CDH13: variants seen among roughly 807,000 people sequenced by gnomAD.
CDH13 encodes the protein cadherin 13, also known as cadherin-13.
Under a neutral mutation model 63.8 loss-of-function variants are expected in CDH13, and 24 were observed. The ratio of observed to expected loss-of-function variants is 0.38; its 90% CI spans 0.27 to 0.53. The LOEUF (loss-of-function observed/expected upper bound fraction) is 0.53. CDH13 is among the 20% of genes least tolerant of loss of function. The probability of loss-of-function intolerance (pLI) is 0.85; values close to 1 mark genes in which losing one functional copy is unlikely to be tolerated. For missense variants in CDH13, 1,049 were observed against 903.1 expected, an observed-to-expected ratio of 1.16 and a Z score of -2.07; for synonymous variants, 503 against 355.3, an observed-to-expected ratio of 1.42 and a Z score of -4.67.
rs148530689 is a variant in CDH13 at position 83,322,181 on chromosome 16, C to G, written c.637-22681C>G. 4.6e-5 allele frequency among the ~76,000 whole-genome samples: 7 copies of G among 152,310 alleles called. No homozygotes were observed. In the East Asian group the frequency reaches 1.4e-3, roughly 29 times the overall value. ...AGAGGAGGGAAACTGAGGCCTCCAG[C>G]TACAGACACATTATGTCGATGAGAT... On this transcript the variant is annotated intron_variant, in intron 5 of 13. Coordinates refer to ENST00000567109, the MANE Select transcript of CDH13 (RefSeq NM_001257.5).
chr16:83,104,532 T>G (rs541116817), intron 3 of CDH13, among the ~76,000 whole-genome samples: 1 of 152,104 alleles, frequency 6.6e-6, no homozygotes, highest in East Asian at 1.9e-4. Context: ...CCCTAGTGTT[T>G]TAATTAAAAT....
At chr16:82,890,481 G>A (rs1483568361) in intron 2 of CDH13, among the ~76,000 whole-genome samples, 3 of 152,120 alleles carry the variant, frequency 2.0e-5, no homozygotes, top group Non-Finnish European at 4.4e-5. Context: ...GGCTTCTCCA[G>A]AATCTCATTG....
chr16:82,646,216 G>T (rs2150898401), intron 1 of CDH13: 1 of 152,336 alleles, frequency 6.6e-6, no homozygotes, highest in South Asian at 2.1e-4. Flanking sequence ...TTGAGACGGA[G>T]TCTCGCTCTT....
At chr16:83,527,192 G>C (rs1302339410) in intron 7 of CDH13, among the ~76,000 whole-genome samples, 3 of 152,048 alleles carry the variant, frequency 2.0e-5, no homozygotes, top group African/African-American at 7.2e-5. Context: ...GCTCACACCT[G>C]TAATCTCAGT....
intron 1 of CDH13, among the ~76,000 whole-genome samples, chr16:82,812,375 G>C (rs1435914244): frequency 6.6e-6 from 1 of 152,156 alleles, no homozygotes; most frequent in Non-Finnish European, 1.5e-5. Context: ...AGCGAGAAGA[G>C]TGGTCAGCAG....
At chr16:83,376,202 C>T (rs945230965) in intron 6 of CDH13, among the ~76,000 whole-genome samples, 14 of 152,132 alleles carry the variant, frequency 9.2e-5, no homozygotes, top group African/African-American at 3.4e-4. Context: ...AGTATTGTTC[C>T]CATGTAACTC....
At chr16:82,731,582 G>GAA (rs2033404961) in intron 1 of CDH13, among the ~76,000 whole-genome samples, 1 of 152,174 alleles carries the variant, frequency 6.6e-6, no homozygotes, top group Admixed American at 6.5e-5. Context: ...TAGGTCATTG[G>GAA]TTTATTTTCA....
chr16:83,171,577 CAGGAA>C, intron 4 of CDH13: 1 of 1,531,810 alleles, frequency 6.5e-7, no homozygotes, highest in Non-Finnish European at 8.7e-7. Flanking sequence ...GATAAGTGCA[CAGGAA>C]ATTTTGAAAT....
At chr16:83,382,854 T>C (rs1464784991) in intron 6 of CDH13, among the ~76,000 whole-genome samples, 1 of 152,168 alleles carries the variant, frequency 6.6e-6, no homozygotes, top group African/African-American at 2.4e-5. Context: ...CCACCCATGG[T>C]ACATTTGGTA....
At chr16:83,567,318 A>G (rs1248992670) in intron 7 of CDH13, among the ~76,000 whole-genome samples, 1 of 152,218 alleles carries the variant, frequency 6.6e-6, no homozygotes, top group Non-Finnish European at 1.5e-5. Flanking sequence ...TTCTTGGCAC[A>G]TAGTGGGTGA....
chr16:83,301,026 T>TTTTG (rs2089724079), intron 5 of CDH13, among the ~76,000 whole-genome samples: 3 of 3,756 alleles, frequency 8.0e-4, no homozygotes, highest in Non-Finnish European at 3.1e-3. Flanking sequence ...CTTTCTGGGG[T>TTTTG]TTTTTTTTTT....
chr16:82,851,434 C>T (rs1447765424), intron 1 of CDH13, among the ~76,000 whole-genome samples: 1 of 79,152 alleles, frequency 1.3e-5, no homozygotes, highest in South Asian at 5.1e-4. Flanking sequence ...GATTTCGTCT[C>T]AAAAAAAAAA....
chr16:83,608,043 T>C (rs1318203516), intron 8 of CDH13, among the ~76,000 whole-genome samples: 1 of 152,212 alleles, frequency 6.6e-6, no homozygotes, highest in African/African-American at 2.4e-5. Flanking sequence ...AATTAAAGAA[T>C]GTGTTTGCAA....
intron 4 of CDH13, among the ~76,000 whole-genome samples, chr16:83,212,838 T>C (rs1279861831): frequency 1.3e-5 from 2 of 152,156 alleles, no homozygotes; most frequent in Non-Finnish European, 2.9e-5. Flanking sequence ...CCTGGGAATT[T>C]GCGTTTTTAA....
chr16:83,528,785 C>T (rs937153065), intron 7 of CDH13, among the ~76,000 whole-genome samples: 1 of 152,120 alleles, frequency 6.6e-6, no homozygotes, highest in African/African-American at 2.4e-5. Flanking sequence ...TTTCTAAATC[C>T]ATGTCTCGTT....
intron 7 of CDH13, among the ~76,000 whole-genome samples, chr16:83,527,232 G>A (rs963204432): frequency 6.6e-6 from 1 of 152,144 alleles, no homozygotes; most frequent in Non-Finnish European, 1.5e-5. Flanking sequence ...GGCAGATCAC[G>A]AGGTCGGGAG....
At chr16:83,079,616 C>G (rs1043634864) in intron 3 of CDH13, among the ~76,000 whole-genome samples, 3 of 152,172 alleles carry the variant, frequency 2.0e-5, no homozygotes, top group African/African-American at 7.2e-5. Flanking sequence ...ACTTGGTTCT[C>G]TTTGTAGTTG....
intron 1 of CDH13, among the ~76,000 whole-genome samples, chr16:82,845,489 G>T (rs1410812546): frequency 6.6e-6 from 1 of 152,170 alleles, no homozygotes; most frequent in Non-Finnish European, 1.5e-5. Context: ...CTGAGGTATT[G>T]GCTGCAGCCA....
intron 8 of CDH13, among the ~76,000 whole-genome samples, chr16:83,610,037 G>C (rs1908713759): frequency 6.6e-6 from 1 of 152,150 alleles, no homozygotes; most frequent in Non-Finnish European, 1.5e-5. Context: ...CCATGTTTTA[G>C]TGTGTCTTAG....
Sources: gnomAD v4.1 joint callset for allele counts (sites outside exome capture counted in the v4.1 genomes callset) on GRCh38, gnomAD v4.1.1 for gene constraint, MANE v1.5 for transcripts, NCBI Gene and HGNC (gene_info 2026-07-23, HGNC 2026-07-21) for gene names.